The following TUBGCP3 variants were observed in gnomAD, a reference collection of about 807,000 sequenced individuals.
The protein encoded by TUBGCP3 is gamma-tubulin complex component 3.
In TUBGCP3, 50 loss-of-function variants were observed where a neutral mutation model predicts 123.1. That is an observed-to-expected ratio of 0.41 (90% CI 0.32 to 0.51). The LOEUF is 0.51. Among genes scored for constraint, TUBGCP3 ranks in the 20% least tolerant of loss-of-function variants. The pLI, the probability that TUBGCP3 is intolerant of heterozygous loss-of-function variation, is 0.36. For synonymous variants in TUBGCP3, 405 were observed against 413.9 expected, an observed-to-expected ratio of 0.98 and a Z score of 0.26; for missense variants, 882 against 1,127.0, an observed-to-expected ratio of 0.78 and a Z score of 3.11.
intron 1 of TUBGCP3, among the ~76,000 whole-genome samples, chr13:112,579,738 A>G (rs1941574927): frequency 6.6e-6 from 1 of 152,212 alleles, no homozygotes; most frequent in Admixed American, 6.5e-5. Context: ...CTGCTGGTGC[A>G]GCGGCAAAGC....
rs935134201 is a variant in TUBGCP3, at chr13:112,511,026, A to T, written c.2086+5414T>A. ...ACATTAAGGATACAAAACACAGGAT[A>T]CAAAAACACAGATAGATACACAAAG... On this transcript the variant is annotated intron_variant, in intron 17 of 21. Coordinates refer to ENST00000261965, the MANE Select transcript of TUBGCP3 (RefSeq NM_006322.6). This position sits in a 1 kb window ranked among gnomAD's most constrained non-coding sequence, Gnocchi z 4.1. 2.0e-5 allele frequency among the ~76,000 whole-genome samples: 3 copies of T among 152,254 alleles called. No individual in the cohort carries two copies. Among genetic ancestry groups the T allele is most frequent in the Admixed American group, 6.5e-5 (1 of 15,288 alleles).
chr13:112,597,617 G>C, the TUBGCP3 span, among the ~76,000 whole-genome samples: 1 of 150,680 alleles, frequency 6.6e-6, no homozygotes, highest in East Asian at 1.9e-4. Flanking sequence ...AGAATTTAGA[G>C]AACAACAACA....
chr13:112,577,020 T>G (rs1594228004), intron 1 of TUBGCP3, among the ~76,000 whole-genome samples: 2 of 133,108 alleles, frequency 1.5e-5, no homozygotes, highest in African/African-American at 5.6e-5. Context: ...ACAGAATTGA[T>G]AAACCTTTGC....
chr13:112,509,689 G>A (rs1881540516), intron 17 of TUBGCP3, among the ~76,000 whole-genome samples: 1 of 152,202 alleles, frequency 6.6e-6, no homozygotes, highest in South Asian at 2.1e-4. Flanking sequence ...GGTTGCTGCT[G>A]AGGACGCTGC....
At chr13:112,541,464 C>A (rs931401984) in intron 11 of TUBGCP3, among the ~76,000 whole-genome samples, 1 of 151,348 alleles carries the variant, frequency 6.6e-6, no homozygotes, top group African/African-American at 2.4e-5. Flanking sequence ...ATTGCTTGAA[C>A]CCAGGAGGCA....
At chr13:112,558,814 C>T (rs909007107) in intron 4 of TUBGCP3, among the ~76,000 whole-genome samples, 15 of 152,196 alleles carry the variant, frequency 9.9e-5, no homozygotes, top group African/African-American at 3.6e-4. Context: ...TTCACCCACA[C>T]GCTTCAACCT....
chr13:112,508,602 T>C lies in TUBGCP3; in HGVS notation c.2087-3888A>G, dbSNP rs888174361. Among the ~76,000 whole-genome samples, 1 of 152,150 alleles carries C rather than the reference T, an allele frequency of 6.6e-6. No homozygotes were observed. On this transcript the variant is annotated intron_variant, in intron 17 of 21. Transcript: ENST00000261965. This position sits in a 1 kb window ranked among gnomAD's most constrained non-coding sequence, Gnocchi z 4.2. ...TCAAGTATCATCCAGGCTGATGACA[T>C]CTAAAATCTTTACCTCTAGTCTAGA...
intron 14 of TUBGCP3, chr13:112,521,762 T>G: frequency 1.0e-6 from 1 of 985,394 alleles, no homozygotes. Flanking sequence ...GGGATGCTCA[T>G]GCCCAGGCTC....
chr13:112,534,942 T>G (rs889808795), intron 11 of TUBGCP3, among the ~76,000 whole-genome samples: 5 of 152,318 alleles, frequency 3.3e-5, no homozygotes, highest in African/African-American at 1.2e-4. Context: ...CACTCATTCC[T>G]CTCTGCCTCC....
At chr13:112,551,586 C>G (rs866468627) in intron 8 of TUBGCP3, among the ~76,000 whole-genome samples, 1 of 152,188 alleles carries the variant, frequency 6.6e-6, no homozygotes, top group Non-Finnish European at 1.5e-5. Flanking sequence ...AATGGAAGAA[C>G]AGAGACAGCT....
At chr13:112,549,777 CAGG>C in intron 8 of TUBGCP3, among the ~76,000 whole-genome samples, 1 of 151,918 alleles carries the variant, frequency 6.6e-6, no homozygotes, top group East Asian at 1.9e-4. Flanking sequence ...ATCACGAGGC[CAGG>C]AGATCGAGAC....
chr13:112,547,408 C>G, intron 10 of TUBGCP3: 1 of 768,508 alleles, frequency 1.3e-6, no homozygotes, highest in Non-Finnish European at 1.8e-6. Flanking sequence ...CCTATCGAAT[C>G]AACACGGCCA....
intron 20 of TUBGCP3, among the ~76,000 whole-genome samples, chr13:112,495,302 C>T (rs1395501401): frequency 6.6e-6 from 1 of 152,106 alleles, no homozygotes; most frequent in Non-Finnish European, 1.5e-5. Context: ...AACAAAATGC[C>T]AGCTTTCCTT....
At chr13:112,547,524 T>A (rs1879121069) in intron 10 of TUBGCP3, 96 bp downstream of exon 10, 2 of 1,347,156 alleles carry the variant, frequency 1.5e-6, no homozygotes, top group Non-Finnish European at 1.9e-6. Flanking sequence ...AAGACGCGCG[T>A]GGGAAAGACG....
At chr13:112,573,863 C>T (rs1163234688) in intron 1 of TUBGCP3, among the ~76,000 whole-genome samples, 1 of 152,250 alleles carries the variant, frequency 6.6e-6, no homozygotes, top group African/African-American at 2.4e-5. Context: ...AGCAGCCCAA[C>T]AGGGCAGTGC....
At chr13:112,594,398 A>G in the TUBGCP3 span, among the ~76,000 whole-genome samples, 1 of 152,228 alleles carries the variant, frequency 6.6e-6, no homozygotes, top group Non-Finnish European at 1.5e-5. Context: ...TAGCCACAGA[A>G]AAAGCATTTG....
intron 20 of TUBGCP3, among the ~76,000 whole-genome samples, chr13:112,491,266 T>C (rs954655738): frequency 2.0e-5 from 3 of 152,264 alleles, no homozygotes; most frequent in Admixed American, 2.0e-4. Flanking sequence ...TTTATTAATA[T>C]AGGCAGTTAT....
intron 20 of TUBGCP3, among the ~76,000 whole-genome samples, chr13:112,493,540 C>T (rs1172882500): frequency 2.7e-5 from 2 of 75,276 alleles, no homozygotes; most frequent in African/African-American, 1.1e-4. Context: ...AGACACTCTA[C>T]CTTTGGGAAC....
chr13:112,555,713 C>T (rs1489383522), intron 6 of TUBGCP3, among the ~76,000 whole-genome samples: 1 of 152,138 alleles, frequency 6.6e-6, no homozygotes, highest in East Asian at 1.9e-4. Context: ...GGGGGCCTAA[C>T]CCAGCCTTAA....
Sources: gnomAD v4.1 joint callset for allele counts (sites outside exome capture counted in the v4.1 genomes callset) on GRCh38, gnomAD v4.1.1 for gene constraint, Gnocchi (gnomAD v3.1) non-coding constraint, MANE v1.5 for transcripts, NCBI Gene and HGNC (gene_info 2026-07-23, HGNC 2026-07-21) for gene names.